The following CHMP7 variants were observed in gnomAD, a reference collection of about 807,000 sequenced individuals.
CHMP7 encodes the protein CHMP family, member 7.
Under a neutral mutation model 53.7 loss-of-function variants are expected in CHMP7, and 15 were observed. That is an observed-to-expected ratio of 0.28 (90% CI 0.19 to 0.43). CHMP7 has a LOEUF of 0.43. Ranked by LOEUF, CHMP7 falls within the 20% of genes least tolerant of loss-of-function variation. CHMP7 has a pLI of 1.00. For synonymous variants in CHMP7, 261 were observed against 228.0 expected (o/e 1.14, Z -1.30); for missense variants, 527 against 569.4 (o/e 0.93, Z 0.76).
chr8:23,255,536 C>A, intron 4 of CHMP7, 104 bp downstream of exon 4: 1 of 975,952 alleles, frequency 1.0e-6, no homozygotes, highest in Non-Finnish European at 1.6e-6. Flanking sequence ...TTTCAGTAAC[C>A]TGCCGTCAAC....
At chr8:23,258,666 A>T in intron 7 of CHMP7, 66 bp from the exon 8 acceptor site, 1 of 1,316,764 alleles carries the variant, frequency 7.6e-7, no homozygotes, top group Non-Finnish European at 1.1e-6. Flanking sequence ...TTTGGAGTTG[A>T]AACAATATTG....
In CHMP7 at chr8:23,258,013, A is replaced by T. The variant is rs748112129; in HGVS notation, c.792-20A>T. 6.3e-7 allele frequency: 1 copy of T among 1,589,800 alleles called. No homozygotes were observed. Among genetic ancestry groups the T allele is most frequent in the South Asian group, 1.1e-5 (1 of 90,200 alleles). On this transcript the variant is annotated intron_variant, in intron 5 of 10. Transcript: ENST00000397677. ...TCCCATCCTGTGGCACAGTAATCTT[A>T]TCTGTCCCTTTGTTTCCAGGTGTAA...
At chr8:23,245,239 C>T (rs1370111579) in intron 1 of CHMP7, among the ~76,000 whole-genome samples, 1 of 152,182 alleles carries the variant, frequency 6.6e-6, no homozygotes, top group African/African-American at 2.4e-5. Context: ...TAGGTTTTCA[C>T]CATTAATTCT....
chr8:23,245,712 T>C (rs1192207008), intron 1 of CHMP7, among the ~76,000 whole-genome samples: 4 of 152,218 alleles, frequency 2.6e-5, no homozygotes, highest in Non-Finnish European at 5.9e-5. Flanking sequence ...ACTTTTTTCT[T>C]AAATATTTGG....
At chr8:23,243,989 G>A (rs1801606284) in intron 1 of CHMP7, 145 bp downstream of exon 1, 1 of 142,722 alleles carries the variant, frequency 7.0e-6, no homozygotes, top group South Asian at 2.4e-4. Context: ...TTTTAACTGG[G>A]TTATTCTTTT....
In CHMP7 at chr8:23,258,499, T is replaced by TG. The variant is rs758843607; in HGVS notation, c.960+52dup. On this transcript the variant is annotated intron_variant, in intron 7 of 10. Transcript: ENST00000397677. ...ACTTGGCTGGTCTCTCCGTGTGTGT[T>TG]GGTCACTTGCAGCTTCGGCTTGGCT... is the stretch of plus-strand genomic sequence containing the variant. 2.5e-6 allele frequency: 4 copies of TG among 1,606,708 alleles called. No homozygotes were observed. The African/African-American group carries it at 5.4e-5, about 21-fold the overall frequency.
rs542424243 is a variant in CHMP7, at chr8:23,258,490, C to CAA, written c.960+41_960+42insAA. ...TACTCCAGCACTTGGCTGGTCTCTC[C>CAA]GTGTGTGTTGGTCACTTGCAGCTTC... On this transcript the variant is annotated intron_variant, in intron 7 of 10. Transcript: ENST00000397677. 456 of 1,610,546 alleles carry CAA rather than the reference C, an allele frequency of 2.8e-4. 1 individual carries two copies. In the South Asian group the frequency reaches 4.8e-3, roughly 17 times the overall value.
chr8:23,254,983 T>C (rs1299430915), intron 3 of CHMP7: 2 of 497,450 alleles, frequency 4.0e-6, no homozygotes, highest in South Asian at 4.2e-5. Flanking sequence ...GAGGCAGGAG[T>C]GTAAAATCCC....
At chr8:23,250,773 A>G (rs930985007) in intron 3 of CHMP7, among the ~76,000 whole-genome samples, 1 of 152,118 alleles carries the variant, frequency 6.6e-6, no homozygotes, top group Non-Finnish European at 1.5e-5. Context: ...GGCTTCACAC[A>G]GCTGGAGCCA....
At position 23,255,403 on chromosome 8, in the gene CHMP7, G is replaced by A. The variant is rs774904114; in HGVS notation, c.628G>A (p.Val210Ile). 6.2e-7 allele frequency: 1 copy of A among 1,614,202 alleles called. No individual in the cohort carries two copies. Among genetic ancestry groups the A allele is most frequent in the Non-Finnish European group, 8.5e-7 (1 of 1,180,034 alleles). ...VLLQLQKEKR[V>I]TVLEQNGEKI... ...GCTGCAGCTGCAGAAGGAGAAGAGG[G>A]TCACAGTCCTCGAGCAGAACGGGGA... Residue 210 changes from valine (V) to isoleucine (I), a missense_variant, in exon 4 of 11, where the codon GTC (valine) becomes ATC (isoleucine). Val to Ile is a conservative substitution (Grantham distance 29, BLOSUM62 3). Transcript: ENST00000397677.
chr8:23,258,491 G>C (rs139013987), intron 7 of CHMP7, 42 bp downstream of exon 7: 3 of 1,609,610 alleles, frequency 1.9e-6, no homozygotes, highest in Non-Finnish European at 2.5e-6. Context: ...TGGTCTCTCC[G>C]TGTGTGTTGG....
intron 2 of CHMP7, among the ~76,000 whole-genome samples, chr8:23,248,565 A>G (rs893070965): frequency 3.9e-5 from 6 of 152,200 alleles, no homozygotes; most frequent in Non-Finnish European, 8.8e-5. Flanking sequence ...GTCTTTAGCA[A>G]TCAGTTTGAC....
At position 23,260,697 on chromosome 8, in the gene CHMP7, G is replaced by A. The variant is rs1802351993; in HGVS notation, c.*98G>A. On this transcript the variant is annotated 3_prime_UTR_variant, in exon 11 of 11. Coordinates refer to ENST00000397677, the MANE Select transcript of CHMP7 (RefSeq NM_152272.5). ...AGAAACTCTCAGAATGTGTTTGGAA[G>A]AGGAGAAAGGAGAACCACTGATTTT... is the stretch of plus-strand genomic sequence containing the variant. The A allele has an allele frequency of 2.0e-5, 19 of 944,036 alleles. 1 individual carries two copies. The South Asian group carries it at 2.5e-4, about 13-fold the overall frequency. 58.5% of individuals were successfully genotyped at this position (944,036 alleles called of 1,614,324 possible).
In CHMP7 at chr8:23,261,795, C is replaced by T. The variant is rs1030545166; in HGVS notation, c.*1196C>T. 6.5e-6 allele frequency: 1 copy of T among 152,716 alleles called. No individual in the cohort carries two copies. The highest frequency in any genetic ancestry group is 2.1e-4 in the South Asian group (1 of 4,830). The allele number at this position is 152,716 out of a possible 1,614,324, so 9.5% of individuals were successfully genotyped here. ...GCTGCCCAGCCACCAGGATTTCTGCCTGGAGCCCTTTGCCCTGTCCCTGCT... is the reference window on the plus strand; with the variant it reads ...GCTGCCCAGCCACCAGGATTTCTGCTTGGAGCCCTTTGCCCTGTCCCTGCT... On this transcript the variant is annotated 3_prime_UTR_variant, in exon 11 of 11. Transcript: ENST00000397677.
At chr8:23,244,184 A>T (rs1248566765) in intron 1 of CHMP7, among the ~76,000 whole-genome samples, 1 of 152,180 alleles carries the variant, frequency 6.6e-6, no homozygotes, top group Non-Finnish European at 1.5e-5. Context: ...TATTTCTTTC[A>T]TGGATTATGC....
intron 9 of CHMP7, among the ~76,000 whole-genome samples, chr8:23,259,429 C>T (rs112929733): frequency 0.014 from 2,151 of 151,504 alleles, 39 homozygotes; most frequent in African/African-American, 0.049. Context: ...GACGCATTCT[C>T]GGCTCGCTGC....
chr8:23,253,975 A>G lies in CHMP7; in HGVS notation c.472-1272A>G, dbSNP rs1802028822. On this transcript the variant is annotated intron_variant, in intron 3 of 10. Coordinates refer to ENST00000397677, the MANE Select transcript of CHMP7 (RefSeq NM_152272.5). ...TGACCACCCACCATCTACAGAATAA[A>G]GGATCATCATAAGATATTACACTTT... 2.0e-5 allele frequency among the ~76,000 whole-genome samples: 3 copies of G among 152,204 alleles called. No homozygotes were observed. The South Asian group carries it at 6.2e-4, about 32-fold the overall frequency.
intron 5 of CHMP7, 97 bp downstream of exon 5, chr8:23,256,690 G>GGTTTT: frequency 1.7e-6 from 1 of 588,640 alleles, no homozygotes; most frequent in Non-Finnish European, 2.7e-6. Context: ...AAATAGGTGG[G>GGTTTT]TTTTTTTTTT....
chr8:23,256,499 C>A lies in CHMP7; in HGVS notation c.697C>A (p.Pro233Thr). 1 of 1,608,730 alleles carries A rather than the reference C, an allele frequency of 6.2e-7. No homozygotes were observed. The highest frequency in any genetic ancestry group is 8.5e-7 in the Non-Finnish European group (1 of 1,175,100). Residue 233 changes from proline (P) to threonine (T), a missense_variant, in exon 5 of 11, where the codon CCA (proline) becomes ACA (threonine). Pro to Thr is a conservative substitution (Grantham distance 38, BLOSUM62 -1). Coordinates refer to ENST00000397677, the MANE Select transcript of CHMP7 (RefSeq NM_152272.5). ...CCGAGGGCCACGTGCCAAGGTCTCT[C>A]CAGTCAATGACGTAGATGTTGGGGT... ...FARGPRAKVS[P>T]VNDVDVGVYQ...
Sources: gnomAD v4.1 joint callset for allele counts (sites outside exome capture counted in the v4.1 genomes callset) on GRCh38, gnomAD v4.1.1 for gene constraint, MANE v1.5 for transcripts, NCBI Gene and HGNC (gene_info 2026-07-23, HGNC 2026-07-21) for gene names.